Variants in PROX1 observed in about 807,000 individuals in gnomAD.
The protein encoded by PROX1 is prospero homeobox 1, also known as prospero homeobox protein 1.
PROX1 carries 7 observed loss-of-function variants against 58.8 expected under a neutral mutation model. The observed-to-expected ratio is 0.12, with a 90% CI of 0.07 to 0.22. The LOEUF (loss-of-function observed/expected upper bound fraction) is 0.22, where lower values mean the gene tolerates loss of function less well. PROX1 is among the 10% of genes least tolerant of loss of function. The probability of loss-of-function intolerance (pLI) is 1.00; values close to 1 mark genes in which losing one functional copy is unlikely to be tolerated. For missense variants in PROX1, 675 were observed against 927.8 expected (o/e 0.73, Z 3.54); for synonymous variants, 350 against 358.3 (o/e 0.98, Z 0.26).
chr1:213,994,096 G>T (rs1300315829), intron 1 of PROX1, among the ~76,000 whole-genome samples: 1 of 152,174 alleles, frequency 6.6e-6, no homozygotes, highest in African/African-American at 2.4e-5. Context: ...TGACGCAGAG[G>T]TAAATGGCAG....
In PROX1 at chr1:213,993,875, A is replaced by T. The variant is rs535108892; in HGVS notation, c.-67-2594A>T. 3.6e-4 allele frequency among the ~76,000 whole-genome samples: 55 copies of T among 152,376 alleles called. 1 individual carries two copies. The South Asian group carries it at 0.01, about 29-fold the overall frequency. On this transcript the variant is annotated intron_variant, in intron 1 of 4. Transcript: ENST00000366958. ...TTTAAATTCTTTTAGCCCAAGACAG[A>T]TACAAATCGTTATTTAATCTAAAAA...
chr1:213,987,561 GA>G (rs563448943), upstream of PROX1: 2,413 of 90,486 alleles, frequency 0.027, 37 homozygotes, highest in African/African-American at 0.06. Context: ...AAAAGAAAAA[GA>G]AAAAAAAAAA....
intron 4 of PROX1, among the ~76,000 whole-genome samples, chr1:214,032,669 T>C (rs114456081): frequency 0.015 from 2,268 of 152,300 alleles, 23 homozygotes; most frequent in Non-Finnish European, 0.019. Context: ...TAGAGCAATA[T>C]GGAGTAAAGC....
chr1:213,988,607 T>TC (rs1236286334), intron 1 of PROX1, 124 bp downstream of exon 1: 1 of 151,964 alleles, frequency 6.6e-6, no homozygotes, highest in East Asian at 1.9e-4. Context: ...TAAACATTAT[T>TC]CCCCCCAGGA....
Position 213,998,037 on chromosome 1 carries a change from C to T in PROX1, c.1502C>T (p.Ser501Phe). The change falls in exon 2 of 5, where the codon TCC (serine) becomes TTC (phenylalanine). Residue 501 changes from serine to phenylalanine, a missense_variant. Coordinates refer to ENST00000366958, the MANE Select transcript of PROX1 (RefSeq NM_001270616.2). ...TTTCAGAGCCCATTAGGTGCTCCCT[C>T]CGGCTCCTTCTCTGGAAAAGACAGA... is the stretch of plus-strand genomic sequence containing the variant. ...YPFQSPLGAP[S>F]GSFSGKDRAS... 2 of 1,612,184 alleles carry T rather than the reference C, an allele frequency of 1.2e-6. No homozygotes were observed. The highest frequency in any genetic ancestry group is 8.5e-7 in the Non-Finnish European group (1 of 1,178,892).
At chr1:214,030,352 A>G (rs1664605405) in intron 4 of PROX1, 3 of 152,052 alleles carry the variant, frequency 2.0e-5, no homozygotes, top group Non-Finnish European at 2.9e-5. Context: ...AGCTTAAAAG[A>G]TCAGCTATAA....
upstream of PROX1, chr1:213,984,292 A>G (rs1343900852): frequency 6.6e-6 from 1 of 152,204 alleles, no homozygotes; most frequent in Non-Finnish European, 1.5e-5. Context: ...TTTCATGACA[A>G]TTCTGCGCTC....
Position 213,996,483 on chromosome 1 carries a change from T to A in PROX1, c.-53T>A, listed in dbSNP as rs1663266279. 6.5e-6 allele frequency: 10 copies of A among 1,545,336 alleles called. No homozygotes were observed. Among genetic ancestry groups the A allele is most frequent in the Non-Finnish European group, 8.7e-6 (10 of 1,145,814 alleles). ...CTGTTGGCCAGGGTCCCGGGATTCTTGAGCTGTGCCCAGCTGACGAGCTTT... is the reference window on the plus strand; with the variant it reads ...CTGTTGGCCAGGGTCCCGGGATTCTAGAGCTGTGCCCAGCTGACGAGCTTT... On this transcript the variant is annotated 5_prime_UTR_variant, in exon 2 of 5. Coordinates refer to ENST00000366958, the MANE Select transcript of PROX1 (RefSeq NM_001270616.2).
At chr1:213,991,023 C>T (rs1349562252) in intron 1 of PROX1, among the ~76,000 whole-genome samples, 2 of 152,154 alleles carry the variant, frequency 1.3e-5, no homozygotes, top group Non-Finnish European at 2.9e-5. Context: ...GTCAGTTCTA[C>T]AGGGAATTTC....
chr1:213,998,428 A>T (rs1571805246), intron 2 of PROX1, among the ~76,000 whole-genome samples, 168 bp downstream of exon 2: 2 of 152,332 alleles, frequency 1.3e-5, no homozygotes, highest in East Asian at 3.9e-4. Context: ...GCCATTCCTG[A>T]TTGCAGAAAA....
intron 2 of PROX1, among the ~76,000 whole-genome samples, chr1:214,000,519 G>C (rs1663466072): frequency 6.6e-6 from 1 of 152,166 alleles, no homozygotes; most frequent in South Asian, 2.1e-4. Flanking sequence ...AATGTTAGTT[G>C]CTCACACTCA....
intron 4 of PROX1, among the ~76,000 whole-genome samples, chr1:214,027,578 G>A (rs954649280): frequency 2.0e-5 from 3 of 152,044 alleles, no homozygotes; most frequent in African/African-American, 7.3e-5. Context: ...TCTAAACCAG[G>A]CTTATCATTT....
At chr1:214,018,735 G>C (rs1311580632) in intron 4 of PROX1, among the ~76,000 whole-genome samples, 2 of 152,190 alleles carry the variant, frequency 1.3e-5, no homozygotes, top group East Asian at 3.9e-4. Flanking sequence ...GGCAATCTCT[G>C]TGTCTCTTAT....
chr1:214,039,958 G>C lies in PROX1; in HGVS notation c.*4124G>C, dbSNP rs1302745674. ...CTCCCCTGAAAGAAGCAGTGTATAT[G>C]TGAAGACAGTGCAAAAATCTCTTTG... On this transcript the variant is annotated 3_prime_UTR_variant, in exon 5 of 5. Coordinates refer to ENST00000366958, the MANE Select transcript of PROX1 (RefSeq NM_001270616.2). The C allele has an allele frequency of 6.6e-6, 1 of 152,200 alleles. No individual in the cohort carries two copies. The highest frequency in any genetic ancestry group is 1.5e-5 in the Non-Finnish European group (1 of 68,036). The allele number at this position is 152,200 out of a possible 1,614,324, so 9.4% of individuals were successfully genotyped here.
chr1:214,032,786 A>G (rs1664702270), intron 4 of PROX1, among the ~76,000 whole-genome samples: 1 of 152,238 alleles, frequency 6.6e-6, no homozygotes, highest in South Asian at 2.1e-4. Context: ...TTGAAAGTAC[A>G]TAAAAGTAGA....
intron 4 of PROX1, among the ~76,000 whole-genome samples, chr1:214,015,620 C>T (rs562694113): frequency 1.1e-3 from 163 of 152,076 alleles, no homozygotes; most frequent in Non-Finnish European, 1.8e-3. Context: ...AGAGCTCCAC[C>T]GAGACAACTA....
intron 4 of PROX1, among the ~76,000 whole-genome samples, chr1:214,021,616 C>T (rs1027637503): frequency 2.0e-5 from 3 of 152,246 alleles, no homozygotes; most frequent in Non-Finnish European, 4.4e-5. Context: ...CACAGCAGAA[C>T]TCCAGGTGTG....
intron 4 of PROX1, among the ~76,000 whole-genome samples, chr1:214,026,895 C>T (rs1468067507): frequency 6.6e-6 from 1 of 152,170 alleles, no homozygotes; most frequent in African/African-American, 2.4e-5. Context: ...AGATCCTCAA[C>T]CTCCCTCCTT....
chr1:214,005,111 GGTGGGAGTCCTT>G, intron 2 of PROX1, 42 bp from the exon 3 acceptor site: 1 of 1,408,136 alleles, frequency 7.1e-7, no homozygotes, highest in South Asian at 1.2e-5. Context: ...GAGGGAGGGA[GGTGGGAGTCCTT>G]GTGCTTACAG....
Sources: allele counts gnomAD v4.1 joint callset (sites outside exome capture counted in the v4.1 genomes callset), GRCh38; gene constraint gnomAD v4.1.1; transcripts MANE v1.5; gene names NCBI Gene and HGNC (gene_info 2026-07-23, HGNC 2026-07-21).